ZNF85: variants seen among roughly 807,000 people sequenced by gnomAD.
ZNF85 encodes zinc finger protein 85 (HPF4, HTF1).
In ZNF85, 50 loss-of-function variants were observed where a neutral mutation model predicts 53.9. The observed-to-expected ratio is 0.93, with a 90% confidence interval of 0.74 to 1.17. ZNF85 has a LOEUF of 1.17. Among genes scored for constraint, ZNF85 ranks in the 50% most tolerant of loss-of-function variants. The pLI, the probability that ZNF85 is intolerant of heterozygous loss-of-function variation, is 0.00. For synonymous variants in ZNF85, 225 were observed against 226.1 expected, an observed-to-expected ratio of 1.00 and a Z score of 0.04; for missense variants, 747 against 688.5, an observed-to-expected ratio of 1.08 and a Z score of -0.95.
intron 1 of ZNF85, chr19:20,927,507 T>A (rs1399889151): frequency 6.6e-6 from 1 of 151,364 alleles, no homozygotes; most frequent in Non-Finnish European, 1.5e-5. Flanking sequence ...CTCATTTTTT[T>A]AATGAGAAAA....
intron 1 of ZNF85, among the ~76,000 whole-genome samples, chr19:20,931,527 C>T (rs978129276): frequency 6.6e-6 from 1 of 152,030 alleles, no homozygotes; most frequent in African/African-American, 2.4e-5. Context: ...TTAAGTTCCA[C>T]CTTTGCACTA....
chr19:20,942,993 C>A (rs1973334342), intron 3 of ZNF85: 1 of 507,494 alleles, frequency 2.0e-6, no homozygotes, highest in African/African-American at 2.0e-5. Flanking sequence ...CCAGTCTAGT[C>A]TCAAACTTCT....
intron 1 of ZNF85, chr19:20,926,635 C>T (rs887094570): frequency 6.6e-6 from 1 of 152,056 alleles, no homozygotes; most frequent in African/African-American, 2.4e-5. Flanking sequence ...GGGAGCCTCC[C>T]CTGCAGATGT....
At chr19:20,940,161 A>G (rs1973261709) in intron 3 of ZNF85, among the ~76,000 whole-genome samples, 1 of 151,808 alleles carries the variant, frequency 6.6e-6, no homozygotes, top group Non-Finnish European at 1.5e-5. Flanking sequence ...TTATAATTCT[A>G]TATTGTTTTC....
Position 20,949,195 on chromosome 19 carries a change from G to T in ZNF85, c.681G>T (p.Glu227Asp). ...LTKHKRIHTG[E>D]KPYKCEECGK... is the part of the protein sequence containing the mutation. The stretch of plus-strand genomic sequence containing the variant: ...AACATAAGAGAATTCATACGGGAGA[G>T]AAACCTTACAAATGTGAAGAATGTG... The change falls in exon 4 of 4, where the codon GAG (glutamate) becomes GAT (aspartate). Residue 227 changes from glutamate (E) to aspartate (D), a missense_variant. Physicochemically the swap from Glu to Asp is conservative, Grantham distance 45. Transcript: ENST00000328178. 6.2e-7 allele frequency: 1 copy of T among 1,613,366 alleles called. No individual in the cohort carries two copies. The highest frequency in any genetic ancestry group is 1.1e-5 in the South Asian group (1 of 91,036).
intron 3 of ZNF85, chr19:20,942,851 C>T (rs2144655122): frequency 5.7e-6 from 4 of 698,928 alleles, no homozygotes; most frequent in Middle Eastern, 3.0e-4. Flanking sequence ...TTTTGGCCCA[C>T]TGCAGCCTCA....
intron 3 of ZNF85, among the ~76,000 whole-genome samples, chr19:20,946,569 T>TGC (rs1555794711): frequency 1.5e-5 from 2 of 134,230 alleles, no homozygotes; most frequent in Non-Finnish European, 3.3e-5. Context: ...GATATACACA[T>TGC]GCACACACAC....
Position 20,949,996 on chromosome 19 carries a change from C to T in ZNF85, c.1482C>T (p.Pro494=). The T allele has an allele frequency of 6.2e-7, 1 of 1,612,596 alleles. No homozygotes were observed. The highest frequency in any genetic ancestry group is 8.5e-7 in the Non-Finnish European group (1 of 1,179,554). The part of the protein sequence containing the change: ...CEECGKGFKW[P]STLTIHKIIH... ...AATGTGGCAAAGGTTTTAAATGGCC[C>T]TCAACCCTTACTATCCATAAGATAA... The change falls in exon 4 of 4, where the codon CCC becomes CCT. Residue 494 remains proline, a synonymous_variant. Coordinates refer to ENST00000328178, the MANE Select transcript of ZNF85 (RefSeq NM_003429.5).
At chr19:20,932,150 C>A (rs921132653) in intron 1 of ZNF85, among the ~76,000 whole-genome samples, 1 of 152,134 alleles carries the variant, frequency 6.6e-6, no homozygotes, top group Non-Finnish European at 1.5e-5. Context: ...ATATTCTCAA[C>A]ATGCAGCTGT....
chr19:20,923,566 G>A, intron 1 of ZNF85, 163 bp downstream of exon 1: 2 of 1,256,724 alleles, frequency 1.6e-6, no homozygotes, highest in Admixed American at 2.3e-5. Flanking sequence ...TAAGATGGCG[G>A]CTGCGCTGAC....
At chr19:20,940,330 T>C (rs1973266179) in intron 3 of ZNF85, among the ~76,000 whole-genome samples, 1 of 152,138 alleles carries the variant, frequency 6.6e-6, no homozygotes, top group Admixed American at 6.5e-5. Flanking sequence ...AACCCAAAAG[T>C]TTGAGACCAC....
intron 2 of ZNF85, 140 bp downstream of exon 2, chr19:20,934,290 T>C: frequency 8.3e-7 from 1 of 1,204,560 alleles, no homozygotes; most frequent in Non-Finnish European, 1.1e-6. Context: ...TGGGGATTAA[T>C]ACATGTAGAA....
At position 20,949,220 on chromosome 19, in the gene ZNF85, G is replaced by A. The variant is rs759665254; in HGVS notation, c.706G>A (p.Gly236Ser). The A allele has an allele frequency of 1.9e-6, 3 of 1,613,194 alleles. No individual in the cohort carries two copies. The South Asian group carries it at 3.3e-5, about 18-fold the overall frequency. Residue 236 changes from glycine (G) to serine (S), a missense_variant, in exon 4 of 4, where the codon GGT becomes AGT. Physicochemically the swap from Gly to Ser is moderately conservative, Grantham distance 56. Coordinates refer to ENST00000328178, the MANE Select transcript of ZNF85 (RefSeq NM_003429.5). The stretch of plus-strand genomic sequence containing the variant: ...GAAACCTTACAAATGTGAAGAATGT[G>A]GTAAAGCCTTTAACCAGTCCTCAAA... ...GEKPYKCEEC[G>S]KAFNQSSNLI... is the part of the protein sequence containing the mutation.
At position 20,949,743 on chromosome 19, in the gene ZNF85, C is replaced by G; in HGVS notation, c.1229C>G (p.Ser410Cys). ...CKECGKAFKH[S>C]STLTKHKIIH... ...GAATGTGGTAAAGCTTTTAAACACT[C>G]TTCAACCCTTACTAAACATAAGATA... Residue 410 changes from serine (S) to cysteine (C), a missense_variant, in exon 4 of 4, where the codon TCT (serine) becomes TGT (cysteine). Physicochemically the swap from Ser to Cys is moderately radical, Grantham distance 112. Coordinates refer to ENST00000328178, the MANE Select transcript of ZNF85 (RefSeq NM_003429.5). The G allele has an allele frequency of 1.9e-6, 3 of 1,612,094 alleles. No individual in the cohort carries two copies. The highest frequency in any genetic ancestry group is 1.7e-6 in the Non-Finnish European group (2 of 1,179,086).
intron 3 of ZNF85, chr19:20,942,862 A>G (rs1262557097): frequency 2.9e-6 from 2 of 697,232 alleles, no homozygotes; most frequent in Non-Finnish European, 5.2e-6. Flanking sequence ...TGCAGCCTCA[A>G]CCTTCTGGGG....
chr19:20,948,679 C>T lies in ZNF85; in HGVS notation c.230-65C>T, dbSNP rs1193861922. The stretch of plus-strand genomic sequence containing the variant: ...GTAGTTTGTTTAATTTTATATATTA[C>T]ATTTGTAAACTATCTTCATCTAAGT... On this transcript the variant is annotated intron_variant, in intron 3 of 3. Coordinates refer to ENST00000328178, the MANE Select transcript of ZNF85 (RefSeq NM_003429.5). 4.0e-6 allele frequency: 5 copies of T among 1,236,446 alleles called. No homozygotes were observed. The East Asian group carries it at 9.4e-5, about 23-fold the overall frequency. 76.6% of individuals were successfully genotyped at this position (1,236,446 alleles called of 1,614,324 possible).
intron 2 of ZNF85, 33 bp from the exon 3 acceptor site, chr19:20,934,916 C>T: frequency 6.7e-7 from 1 of 1,487,708 alleles, no homozygotes; most frequent in Non-Finnish European, 9.2e-7. Flanking sequence ...AGAATATGAG[C>T]AAGATTTATA....
At position 20,949,488 on chromosome 19, in the gene ZNF85, A is replaced by T. The variant is rs752228779; in HGVS notation, c.974A>T (p.Gln325Leu). ...GAAGAATGTGGCAAAGCCTTTAAGC[A>T]GTCCTCAAACCTTACTACACATAAG... ...KCEECGKAFK[Q>L]SSNLTTHKII... The change falls in exon 4 of 4, where the codon CAG becomes CTG. Residue 325 changes from glutamine to leucine, a missense_variant. Physicochemically the swap from Gln to Leu is moderately radical, Grantham distance 113. Transcript: ENST00000328178. 1 of 1,613,364 alleles carries T rather than the reference A, an allele frequency of 6.2e-7. No homozygotes were observed. The highest frequency in any genetic ancestry group is 8.5e-7 in the Non-Finnish European group (1 of 1,179,702).
chr19:20,939,912 G>T (rs1417224790), intron 3 of ZNF85, among the ~76,000 whole-genome samples: 1 of 151,186 alleles, frequency 6.6e-6, no homozygotes, highest in African/African-American at 2.4e-5. Flanking sequence ...GGTAAGGCTT[G>T]TCTCGAACTC....
Sources: gnomAD v4.1 joint callset for allele counts (sites outside exome capture counted in the v4.1 genomes callset) on GRCh38, gnomAD v4.1.1 for gene constraint, MANE v1.5 for transcripts, NCBI Gene and HGNC (gene_info 2026-07-23, HGNC 2026-07-21) for gene names.